The following FAM20B variants were observed in gnomAD, a reference collection of about 807,000 sequenced individuals.
FAM20B encodes the protein FAM20B glycosaminoglycan xylosylkinase, also known as glycosaminoglycan xylosylkinase.
Under a neutral mutation model 43.8 loss-of-function variants are expected in FAM20B, and 23 were observed. That is an observed-to-expected ratio of 0.53 (90% CI 0.38 to 0.74). The LOEUF is 0.74. Among genes scored for constraint, FAM20B ranks in the 30% least tolerant of loss-of-function variants. The pLI, the probability that FAM20B is intolerant of heterozygous loss-of-function variation, is 0.00. For synonymous variants in FAM20B, 178 were observed against 192.4 expected (o/e 0.93, Z 0.62); for missense variants, 440 against 510.5 (o/e 0.86, Z 1.33).
intron 3 of FAM20B, among the ~76,000 whole-genome samples, chr1:179,054,108 CTT>C (rs533407615): frequency 3.6e-5 from 5 of 138,454 alleles, no homozygotes; most frequent in Admixed American, 7.3e-5. Flanking sequence ...GATCAGTCTG[CTT>C]TTTTTTTTTT....
At position 179,064,490 on chromosome 1, in the gene FAM20B, C is replaced by T; in HGVS notation, c.932C>T (p.Ala311Val). The change falls in exon 6 of 8, where the codon GCC becomes GTC. Residue 311 changes from alanine (A) to valine (V), a missense_variant. Ala to Val is a moderately conservative substitution (Grantham distance 64). Coordinates refer to ENST00000263733, the MANE Select transcript of FAM20B (RefSeq NM_014864.4). ...GASMLILLDN[A>V]KSFGNPSLDE... ...AGTATGCTCATCCTTCTTGATAATG[C>T]CAAAAGGTGAGACCAGCAGGACTGT... 1 of 1,611,712 alleles carries T rather than the reference C, an allele frequency of 6.2e-7. No homozygotes were observed. Among genetic ancestry groups the T allele is most frequent in the Non-Finnish European group, 8.5e-7 (1 of 1,178,106 alleles).
At chr1:179,069,932 GA>G (rs1370062553) in intron 7 of FAM20B, among the ~76,000 whole-genome samples, 1 of 152,160 alleles carries the variant, frequency 6.6e-6, no homozygotes, top group Non-Finnish European at 1.5e-5. Context: ...TTTACCCACA[GA>G]GAGCTAAGAA....
the FAM20B span, among the ~76,000 whole-genome samples, chr1:179,017,542 G>A: frequency 6.6e-6 from 1 of 152,142 alleles, no homozygotes; most frequent in Non-Finnish European, 1.5e-5. Context: ...TTGCAGGGCT[G>A]GAATTATTTT....
At chr1:179,018,063 T>A in the FAM20B span, among the ~76,000 whole-genome samples, 6 of 152,198 alleles carry the variant, frequency 3.9e-5, no homozygotes, top group African/African-American at 1.4e-4. Context: ...TCTGGATGAA[T>A]CATCAAAGAG....
At chr1:179,059,086 C>T (rs1651350901) in intron 4 of FAM20B, among the ~76,000 whole-genome samples, 1 of 152,206 alleles carries the variant, frequency 6.6e-6, no homozygotes, top group South Asian at 2.1e-4. Context: ...CTAAAGCCTA[C>T]AGTTTAGGAG....
chr1:179,027,078 T>TC (rs1221847117), intron 1 of FAM20B, among the ~76,000 whole-genome samples: 1 of 152,208 alleles, frequency 6.6e-6, no homozygotes, highest in Admixed American at 6.5e-5. Flanking sequence ...ATCAGCATCT[T>TC]CCCCACCCAG....
At chr1:179,061,894 G>C (rs988370613) in intron 4 of FAM20B, among the ~76,000 whole-genome samples, 1 of 152,074 alleles carries the variant, frequency 6.6e-6, no homozygotes, top group Admixed American at 6.6e-5. Context: ...ACATTTGGCC[G>C]GTGGGAACCT....
chr1:179,063,491 G>C (rs1233069170), intron 4 of FAM20B, among the ~76,000 whole-genome samples: 1 of 152,178 alleles, frequency 6.6e-6, no homozygotes, highest in Admixed American at 6.5e-5. Context: ...AGGAGGCTGA[G>C]ATGGAAGGAT....
At chr1:179,056,848 T>G (rs1284827527) in intron 4 of FAM20B, among the ~76,000 whole-genome samples, 5 of 152,180 alleles carry the variant, frequency 3.3e-5, no homozygotes, top group Admixed American at 6.5e-5. Context: ...GTGTATCTCA[T>G]TGTTTTAGTT....
At chr1:179,070,429 T>TG (rs1651869702) in intron 7 of FAM20B, among the ~76,000 whole-genome samples, 1 of 151,436 alleles carries the variant, frequency 6.6e-6, no homozygotes, top group African/African-American at 2.4e-5. Context: ...TGCCAGCATC[T>TG]GACAAGGGAC....
At chr1:179,059,375 C>T (rs1244623419) in intron 4 of FAM20B, among the ~76,000 whole-genome samples, 2 of 152,174 alleles carry the variant, frequency 1.3e-5, no homozygotes, top group African/African-American at 2.4e-5. Context: ...ATTCACTCTT[C>T]ACAACTCAGT....
chr1:179,060,914 A>G (rs1023391509), intron 4 of FAM20B, among the ~76,000 whole-genome samples: 1 of 152,168 alleles, frequency 6.6e-6, no homozygotes, highest in Non-Finnish European at 1.5e-5. Flanking sequence ...TGTATTTCAT[A>G]TGAAGCATCT....
intron 2 of FAM20B, among the ~76,000 whole-genome samples, chr1:179,047,836 T>G (rs1650843461): frequency 6.6e-6 from 1 of 152,200 alleles, no homozygotes; most frequent in African/African-American, 2.4e-5. Context: ...AGCAGAAGGA[T>G]AGGAATGATT....
At chr1:179,017,448 A>G in the FAM20B span, among the ~76,000 whole-genome samples, 1 of 152,166 alleles carries the variant, frequency 6.6e-6, no homozygotes. Flanking sequence ...CTTTTTTTTC[A>G]TGACTACAAA....
intron 7 of FAM20B, among the ~76,000 whole-genome samples, chr1:179,069,796 T>C (rs1651838534): frequency 6.6e-6 from 1 of 152,246 alleles, no homozygotes; most frequent in African/African-American, 2.4e-5. Flanking sequence ...ATAACTGTAC[T>C]CCGTCTGTGC....
At chr1:179,040,835 G>A (rs1236484492) in intron 1 of FAM20B, among the ~76,000 whole-genome samples, 2 of 150,736 alleles carry the variant, frequency 1.3e-5, no homozygotes, top group Non-Finnish European at 3.0e-5. Context: ...GCTGCTGGGC[G>A]GAGGGGCTCC....
At chr1:179,029,931 G>T (rs1381273798) in intron 1 of FAM20B, among the ~76,000 whole-genome samples, 2 of 152,174 alleles carry the variant, frequency 1.3e-5, no homozygotes, top group Admixed American at 1.3e-4. Flanking sequence ...GCTATGAGAT[G>T]ATCGAAAAAT....
rs1321786046 is a variant in FAM20B, at chr1:179,048,087, G to A, written c.378-2192G>A. ...ATTTTGCCTTACATTATAAGTAAAG[G>A]TGATTTTTTTTTTAATGTAGCTATT... On this transcript the variant is annotated intron_variant, in intron 2 of 7. Coordinates refer to ENST00000263733, the MANE Select transcript of FAM20B (RefSeq NM_014864.4). Among the ~76,000 whole-genome samples the A allele has an allele frequency of 3.9e-5, 6 of 152,168 alleles. No homozygotes were observed. In the Middle Eastern group the frequency reaches 0.017, roughly 431 times the overall value.
intron 4 of FAM20B, among the ~76,000 whole-genome samples, chr1:179,057,495 G>A (rs763192361): frequency 6.6e-6 from 1 of 152,168 alleles, no homozygotes; most frequent in African/African-American, 2.4e-5. Flanking sequence ...TGTTCACACT[G>A]TTACTTTATC....
Sources: gnomAD v4.1 joint callset for allele counts (sites outside exome capture counted in the v4.1 genomes callset) on GRCh38, gnomAD v4.1.1 for gene constraint, MANE v1.5 for transcripts, NCBI Gene and HGNC (gene_info 2026-07-23, HGNC 2026-07-21) for gene names.